MYZAP: variants seen among roughly 807,000 people sequenced by gnomAD.
MYZAP encodes GRINL1A complex locus upstream.
In MYZAP, 66 loss-of-function variants were observed where a neutral mutation model predicts 69.4. That is an observed-to-expected ratio of 0.95 (90% confidence interval 0.78 to 1.17). The LOEUF is 1.17. Among genes scored for constraint, MYZAP ranks in the 50% most tolerant of loss-of-function variants. The probability of loss-of-function intolerance (pLI) is 0.00; values close to 1 mark genes in which losing one functional copy is unlikely to be tolerated. For synonymous variants in MYZAP, 256 were observed against 205.9 expected (o/e 1.24, Z -2.09); for missense variants, 611 against 556.2 (o/e 1.10, Z -0.99).
At chr15:57,613,683 T>A (rs1394021587) in intron 2 of MYZAP, among the ~76,000 whole-genome samples, 2 of 152,172 alleles carry the variant, frequency 1.3e-5, no homozygotes, top group African/African-American at 4.8e-5. Context: ...AAGGAGGTTT[T>A]AAAAAACTTA....
rs561517662 is a variant in MYZAP, at chr15:57,627,224, G to A, written c.525+1332G>A. On this transcript the variant is annotated intron_variant, in intron 5 of 12. Coordinates refer to ENST00000267853, the MANE Select transcript of MYZAP (RefSeq NM_001018100.5). Reference sequence around the variant, plus strand: ...TCTGGCCAACACTCTGGCATTTACTGCAGAGGTCAGCTGTTTGAGCTGGGC... The same window carrying A: ...TCTGGCCAACACTCTGGCATTTACTACAGAGGTCAGCTGTTTGAGCTGGGC... Among the ~76,000 whole-genome samples the A allele has an allele frequency of 2.6e-4, 39 of 152,212 alleles. No homozygotes were observed. The South Asian group carries it at 7.9e-3, about 31-fold the overall frequency.
chr15:57,626,344 A>G (rs2036133193), intron 5 of MYZAP, among the ~76,000 whole-genome samples: 1 of 152,220 alleles, frequency 6.6e-6, no homozygotes, highest in South Asian at 2.1e-4. Flanking sequence ...ATTAGAAATT[A>G]TTTTGTATCA....
chr15:57,673,792 G>A (rs1402524303), intron 11 of MYZAP, among the ~76,000 whole-genome samples: 2 of 152,108 alleles, frequency 1.3e-5, no homozygotes, highest in African/African-American at 4.8e-5. Context: ...AAACAAATGA[G>A]CTTCTGTCTC....
chr15:57,612,570 T>G (rs2035174526), intron 2 of MYZAP, among the ~76,000 whole-genome samples: 1 of 152,254 alleles, frequency 6.6e-6, no homozygotes. Context: ...AGGCAGATGT[T>G]GTCCCTGGCT....
At chr15:57,636,514 AAG>A (rs2036824977) in intron 8 of MYZAP, among the ~76,000 whole-genome samples, 1 of 152,210 alleles carries the variant, frequency 6.6e-6, no homozygotes, top group Non-Finnish European at 1.5e-5. Context: ...TGTAGCTAGT[AAG>A]AGTTTGCTGG....
chr15:57,680,790 A>G (rs1283393414), intron 12 of MYZAP: 1 of 152,264 alleles, frequency 6.6e-6, no homozygotes, highest in Non-Finnish European at 1.5e-5. Context: ...CTCAGCACGT[A>G]GTAAGTGCTT....
intron 10 of MYZAP, among the ~76,000 whole-genome samples, chr15:57,659,348 T>C (rs564789871): frequency 6.6e-5 from 10 of 152,300 alleles, no homozygotes; most frequent in Non-Finnish European, 1.0e-4. Context: ...CATGTTATGT[T>C]CTTATTGTTT....
intron 11 of MYZAP, among the ~76,000 whole-genome samples, chr15:57,671,027 A>G (rs146217962): frequency 0.016 from 2,448 of 152,214 alleles, 73 homozygotes; most frequent in African/African-American, 0.056. Flanking sequence ...AGATTCTTTC[A>G]TATATACTCT....
chr15:57,660,489 A>AT (rs1157101227), intron 10 of MYZAP, among the ~76,000 whole-genome samples: 3 of 151,644 alleles, frequency 2.0e-5, no homozygotes, highest in African/African-American at 4.8e-5. Flanking sequence ...TAATTTTTTG[A>AT]TTTTTTGTAG....
intron 11 of MYZAP, among the ~76,000 whole-genome samples, chr15:57,666,986 C>T (rs1294959437): frequency 6.6e-6 from 1 of 152,092 alleles, no homozygotes; most frequent in African/African-American, 2.4e-5. Context: ...AAGCATTTAT[C>T]TTCATAAGCT....
chr15:57,594,235 C>T (rs1357031433), intron 1 of MYZAP, among the ~76,000 whole-genome samples: 1 of 152,212 alleles, frequency 6.6e-6, no homozygotes, highest in Non-Finnish European at 1.5e-5. Flanking sequence ...CCTGCCTCAG[C>T]CTTCCGAGTA....
chr15:57,621,084 A>G (rs1349270707), intron 3 of MYZAP, among the ~76,000 whole-genome samples: 1 of 148,018 alleles, frequency 6.8e-6, no homozygotes, highest in Non-Finnish European at 1.5e-5. Context: ...AAAATTATAT[A>G]TATATAAATT....
chr15:57,671,780 A>G (rs1288055047), intron 11 of MYZAP, among the ~76,000 whole-genome samples: 1 of 151,966 alleles, frequency 6.6e-6, no homozygotes, highest in African/African-American at 2.4e-5. Flanking sequence ...AATTGTAAGC[A>G]TATTTTTCTT....
intron 10 of MYZAP, among the ~76,000 whole-genome samples, chr15:57,650,134 T>C (rs1211577412): frequency 6.6e-6 from 1 of 152,236 alleles, no homozygotes; most frequent in Non-Finnish European, 1.5e-5. Context: ...GGAAAGCTTG[T>C]TTCTCTAATA....
chr15:57,651,696 T>C (rs1477672613), intron 10 of MYZAP, among the ~76,000 whole-genome samples: 5 of 152,200 alleles, frequency 3.3e-5, no homozygotes, highest in Non-Finnish European at 7.3e-5. Flanking sequence ...CACCTCAGTT[T>C]CATGGTCTGG....
intron 2 of MYZAP, among the ~76,000 whole-genome samples, chr15:57,617,475 A>C (rs1366415504): frequency 1.3e-5 from 2 of 152,172 alleles, no homozygotes; most frequent in Non-Finnish European, 2.9e-5. Context: ...TTTTGGGCTG[A>C]AGTCACACCA....
chr15:57,614,934 C>T (rs2035334684), intron 2 of MYZAP, among the ~76,000 whole-genome samples: 1 of 152,020 alleles, frequency 6.6e-6, no homozygotes, highest in Non-Finnish European at 1.5e-5. Context: ...CACCTGACAA[C>T]AAATTTCTTC....
intron 8 of MYZAP, among the ~76,000 whole-genome samples, chr15:57,636,799 C>T (rs2036843414): frequency 6.6e-6 from 1 of 152,168 alleles, no homozygotes; most frequent in Non-Finnish European, 1.5e-5. Flanking sequence ...GTACAAAGTG[C>T]ACGGCTTAGT....
chr15:57,626,880 A>C (rs1322395885), intron 5 of MYZAP, among the ~76,000 whole-genome samples: 3 of 152,098 alleles, frequency 2.0e-5, no homozygotes, highest in African/African-American at 7.2e-5. Flanking sequence ...TGCGATGCCC[A>C]TTTCTGGTGG....
Sources: gnomAD v4.1 joint callset for allele counts (sites outside exome capture counted in the v4.1 genomes callset) on GRCh38, gnomAD v4.1.1 for gene constraint, MANE v1.5 for transcripts, NCBI Gene and HGNC (gene_info 2026-07-23, HGNC 2026-07-21) for gene names.